The following CTBP1 variants were observed in gnomAD, a reference collection of about 807,000 sequenced individuals.
CTBP1 encodes C-terminal-binding protein 1.
CTBP1 carries 11 observed loss-of-function variants against 42.1 expected under a neutral mutation model. The observed-to-expected ratio is 0.26, with a 90% CI of 0.16 to 0.43. The LOEUF (loss-of-function observed/expected upper bound fraction) is 0.43, where lower values mean the gene tolerates loss of function less well. Among genes scored for constraint, CTBP1 ranks in the 20% least tolerant of loss-of-function variants. The pLI is 1.00. For missense variants in CTBP1, 399 were observed against 624.3 expected, an observed-to-expected ratio of 0.64 and a Z score of 3.85; for synonymous variants, 324 against 277.1, an observed-to-expected ratio of 1.17 and a Z score of -1.68.
Position 1,235,829 on chromosome 4 carries a change from C to T in CTBP1, c.162+2354G>A, listed in dbSNP as rs891730504. 6.6e-6 allele frequency: 1 copy of T among 152,242 alleles called. No individual in the cohort carries two copies. Among genetic ancestry groups the T allele is most frequent in the African/African-American group, 2.4e-5 (1 of 41,438 alleles). 9.4% of individuals were successfully genotyped at this position (152,242 alleles called of 1,614,324 possible). ...GGTGATTTGTAGAAATGACCCGAGG[C>T]CTCGGCTGACGCTGTCTTCCTCTAA... is the stretch of plus-strand genomic sequence containing the variant. On this transcript the variant is annotated intron_variant, in intron 3 of 9. Coordinates refer to ENST00000382952, the MANE Select transcript of CTBP1 (RefSeq NM_001012614.2). This position sits in a 1 kb window ranked among gnomAD's most constrained non-coding sequence, Gnocchi z 4.2.
chr4:1,214,980 C>G (rs548931074), intron 6 of CTBP1, among the ~76,000 whole-genome samples: 2 of 152,254 alleles, frequency 1.3e-5, no homozygotes, highest in African/African-American at 4.8e-5. Context: ...AAAAGCCCTG[C>G]GGGTGGCTCT....
intron 2 of CTBP1, among the ~76,000 whole-genome samples, chr4:1,240,033 T>C (rs1012229213): frequency 6.6e-6 from 1 of 152,212 alleles, no homozygotes; most frequent in Non-Finnish European, 1.5e-5. Flanking sequence ...TGGATAGACA[T>C]CCGCTCTCAG....
chr4:1,243,958 G>A (rs1229743891), intron 1 of CTBP1: 2 of 985,446 alleles, frequency 2.0e-6, no homozygotes, highest in Middle Eastern at 5.2e-4. Flanking sequence ...GGAAGTGAGT[G>A]TAGAGCACAT....
At chr4:1,226,456 T>C (rs1680057) in intron 4 of CTBP1, among the ~76,000 whole-genome samples, 119,895 of 151,682 alleles carry the variant, frequency 0.79, 48,578 homozygotes, top group South Asian at 0.89. Context: ...GAGGGCCTGA[T>C]GTGGGGCGGC....
At chr4:1,234,488 G>A (rs1458523353) in intron 3 of CTBP1, among the ~76,000 whole-genome samples, 1 of 152,186 alleles carries the variant, frequency 6.6e-6, no homozygotes, top group Admixed American at 6.5e-5. Flanking sequence ...TCTGCCCTGG[G>A]CTGTGCAGCC....
chr4:1,250,291 C>A (rs1344821459), upstream of CTBP1: 3 of 235,568 alleles, frequency 1.3e-5, no homozygotes, highest in African/African-American at 4.4e-5. Context: ...ACCTGCCCTG[C>A]GTGCCACGTT....
At chr4:1,225,646 C>A (rs772009111) in intron 4 of CTBP1, 80 bp from the exon 5 acceptor site, 6 of 1,408,640 alleles carry the variant, frequency 4.3e-6, no homozygotes, top group Non-Finnish European at 5.7e-6. Flanking sequence ...GTGACTGGAG[C>A]GGGTTTGAAG....
At chr4:1,228,645 T>C (rs1006782388) in intron 3 of CTBP1, among the ~76,000 whole-genome samples, 1 of 147,230 alleles carries the variant, frequency 6.8e-6, no homozygotes, top group Admixed American at 6.7e-5. Flanking sequence ...AGATGTCTCC[T>C]TTTGAGCGTG....
chr4:1,241,688 C>T, intron 1 of CTBP1, 169 bp from the exon 2 acceptor site: 1 of 1,262,386 alleles, frequency 7.9e-7, no homozygotes, highest in Non-Finnish European at 1.0e-6. Context: ...GGGGCCCCGG[C>T]TCCTGCCGCA....
intron 1 of CTBP1, 122 bp from the exon 2 acceptor site, chr4:1,241,641 T>G: frequency 7.3e-7 from 1 of 1,373,258 alleles, no homozygotes; most frequent in Non-Finnish European, 9.6e-7. Flanking sequence ...GACTGCTGTC[T>G]GGGACCTACC....
At chr4:1,245,950 C>A (rs1238632969) in intron 1 of CTBP1, among the ~76,000 whole-genome samples, 1 of 152,216 alleles carries the variant, frequency 6.6e-6, no homozygotes, top group Admixed American at 6.5e-5. Flanking sequence ...GAACTGGTAC[C>A]ACCTGGGGCC....
Position 1,241,527 on chromosome 4 carries a change from T to C in CTBP1, c.-188-8A>G, listed in dbSNP as rs1164640972. On this transcript the variant is annotated splice_region_variant and splice_polypyrimidine_tract_variant and intron_variant, in intron 1 of 9. Transcript: ENST00000382952. ...GTCGGGGTCAAAGTCTTACTAAAAA[T>C]CAAACACAAGAGACACATTAAAATG... 6.3e-7 allele frequency: 1 copy of C among 1,588,456 alleles called. No individual in the cohort carries two copies. Among genetic ancestry groups the C allele is most frequent in the African/African-American group, 1.3e-5 (1 of 74,692 alleles).
intron 4 of CTBP1, among the ~76,000 whole-genome samples, chr4:1,226,184 C>T (rs560281028): frequency 2.9e-4 from 44 of 152,304 alleles, no homozygotes; most frequent in African/African-American, 9.1e-4. Context: ...TCCCCGCTCC[C>T]GGCCTTGTCC....
rs183621273 is a variant in CTBP1 at position 1,227,865 on chromosome 4, C to A, written c.307+334G>T. On this transcript the variant is annotated intron_variant, in intron 4 of 9. Transcript: ENST00000382952. ...TGTCTCGGGACAGAGACCTATGAGC[C>A]CTATTACAGCCATACACTGACGGCC... Among the ~76,000 whole-genome samples the A allele has an allele frequency of 1.8e-3, 268 of 152,324 alleles. 1 individual carries two copies. Among genetic ancestry groups the A allele is most frequent in the Non-Finnish European group, 3.1e-3 (214 of 68,022 alleles).
intron 6 of CTBP1, chr4:1,215,658 C>A: frequency 2.7e-6 from 1 of 372,714 alleles, no homozygotes; most frequent in South Asian, 2.8e-5. Flanking sequence ...CCTGGCAGCA[C>A]GGAAGTCACA....
chr4:1,232,708 T>C (rs71604380), intron 3 of CTBP1, among the ~76,000 whole-genome samples: 1 of 152,236 alleles, frequency 6.6e-6, no homozygotes, highest in Non-Finnish European at 1.5e-5. Context: ...TTCTGTATTG[T>C]CATAACCTCA....
intron 6 of CTBP1, 29 bp from the exon 7 acceptor site, chr4:1,214,502 A>G: frequency 6.5e-7 from 1 of 1,548,286 alleles, no homozygotes; most frequent in Non-Finnish European, 8.7e-7. Flanking sequence ...GGCCAGGCCC[A>G]GTCAGGGATC....
chr4:1,238,466 G>A lies in CTBP1; in HGVS notation c.8-129C>T, dbSNP rs1577068871. The A allele has an allele frequency of 5.4e-6, 6 of 1,115,512 alleles. No homozygotes were observed. In the East Asian group the frequency reaches 1.6e-4, roughly 29 times the overall value. 69.1% of individuals were successfully genotyped at this position (1,115,512 alleles called of 1,614,324 possible). A position where few individuals can be genotyped will look rare whatever the true frequency, so the allele number is the denominator to read the frequency against. On this transcript the variant is annotated intron_variant, in intron 2 of 9. Transcript: ENST00000382952. This position sits in a 1 kb window ranked among gnomAD's most constrained non-coding sequence, Gnocchi z 5.9. The stretch of plus-strand genomic sequence containing the variant: ...GGGGGTTTTCTGGTCTATATGTTGT[G>A]ATATTTGTAAAAAGTAAATTAAAAA...
intron 1 of CTBP1, chr4:1,242,877 A>G (rs1309819611): frequency 1.0e-6 from 1 of 985,266 alleles, no homozygotes; most frequent in African/African-American, 1.7e-5. Flanking sequence ...GGGGCAAGGC[A>G]CCGCGCCACC....
Sources: gnomAD v4.1 joint callset for allele counts (sites outside exome capture counted in the v4.1 genomes callset) on GRCh38, gnomAD v4.1.1 for gene constraint, Gnocchi (gnomAD v3.1) non-coding constraint, MANE v1.5 for transcripts, NCBI Gene and HGNC (gene_info 2026-07-23, HGNC 2026-07-21) for gene names.